MTARC1: variants seen among roughly 807,000 people sequenced by gnomAD.
MTARC1 encodes the protein mitochondrial amidoxime-reducing component 1.
Under a neutral mutation model 33.6 loss-of-function variants are expected in MTARC1, and 24 were observed. That is an observed-to-expected ratio of 0.72 (90% CI 0.52 to 1.01). The LOEUF is 1.01. MTARC1 is among the 50% of genes least tolerant of loss of function. The probability of loss-of-function intolerance (pLI) is 0.00; values close to 1 mark genes in which losing one functional copy is unlikely to be tolerated. For missense variants in MTARC1, 417 were observed against 445.7 expected, an observed-to-expected ratio of 0.94 and a Z score of 0.58; for synonymous variants, 187 against 189.5, an observed-to-expected ratio of 0.99 and a Z score of 0.11.
chr1:220,811,449 A>G (rs939437532), intron 6 of MTARC1, among the ~76,000 whole-genome samples: 24 of 152,218 alleles, frequency 1.6e-4, no homozygotes, highest in Non-Finnish European at 2.9e-4. Flanking sequence ...AGTGCTGCCT[A>G]CAGGATGTTT....
At chr1:220,789,469 A>C (rs1571660428) in intron 1 of MTARC1, among the ~76,000 whole-genome samples, 1 of 152,336 alleles carries the variant, frequency 6.6e-6, no homozygotes, top group South Asian at 2.1e-4. Context: ...AAAATCTCAT[A>C]ATGTTTTAAG....
At chr1:220,809,730 A>C (rs1343176589) in intron 6 of MTARC1, among the ~76,000 whole-genome samples, 2 of 152,196 alleles carry the variant, frequency 1.3e-5, no homozygotes, top group African/African-American at 2.4e-5. Context: ...GTCTGGTCTC[A>C]AAGTCCTGAC....
chr1:220,813,242 G>A lies in MTARC1; in HGVS notation c.888-50G>A, dbSNP rs1334764488. ...GGGATGGAAGCCACGTGCTGGTTGA[G>A]CTCTTGCATCCGCTTGGCTGTGACT... On this transcript the variant is annotated intron_variant, in intron 6 of 6. Coordinates refer to ENST00000366910, the MANE Select transcript of MTARC1 (RefSeq NM_022746.4). 3.1e-6 allele frequency: 5 copies of A among 1,612,838 alleles called. No homozygotes were observed. The African/African-American group carries it at 6.7e-5, about 22-fold the overall frequency.
intron 3 of MTARC1, 99 bp from the exon 4 acceptor site, chr1:220,797,775 G>A: frequency 9.3e-7 from 1 of 1,077,542 alleles, no homozygotes; most frequent in Non-Finnish European, 1.4e-6. Context: ...TGTGTGTGGG[G>A]TGGGGTGGAG....
At position 220,817,480 on chromosome 1, in the gene MTARC1, C is replaced by CTCCATTTTACAGAGTGCTGATTGG. The variant is rs1301970982; in HGVS notation, c.*4088_*4111dup. 3 of 152,332 alleles carry CTCCATTTTACAGAGTGCTGATTGG rather than the reference C, an allele frequency of 2.0e-5. No homozygotes were observed. In the East Asian group the frequency reaches 5.8e-4, roughly 30 times the overall value. The allele number at this position is 152,332 out of a possible 1,614,324, so 9.4% of individuals were successfully genotyped here. ...GTCCCTGCCCATGTCCTGCTGATTG[C>CTCCATTTTACAGAGTGCTGATTGG]TCCATTTTACAGAGTGCTGATTGGT... On this transcript the variant is annotated 3_prime_UTR_variant, in exon 7 of 7. Coordinates refer to ENST00000366910, the MANE Select transcript of MTARC1 (RefSeq NM_022746.4).
chr1:220,808,298 G>A (rs1673030759), intron 6 of MTARC1, among the ~76,000 whole-genome samples: 1 of 152,208 alleles, frequency 6.6e-6, no homozygotes, highest in Admixed American at 6.5e-5. Context: ...GGCGGGGGGC[G>A]CAAGGAGCCA....
At chr1:220,790,098 TTAC>T (rs1485531071) in intron 1 of MTARC1, among the ~76,000 whole-genome samples, 3 of 152,202 alleles carry the variant, frequency 2.0e-5, no homozygotes, top group Non-Finnish European at 4.4e-5. Flanking sequence ...ACTCGGGCTG[TTAC>T]TACTTTTTCA....
At position 220,815,438 on chromosome 1, in the gene MTARC1, C is replaced by T. The variant is rs1021287974; in HGVS notation, c.*2020C>T. 2 of 152,358 alleles carry T rather than the reference C, an allele frequency of 1.3e-5. No homozygotes were observed. The highest frequency in any genetic ancestry group is 4.8e-5 in the African/African-American group (2 of 41,562). 9.4% of individuals were successfully genotyped at this position (152,358 alleles called of 1,614,324 possible). Reference sequence around the variant, plus strand: ...CCATCATTCTCCATGGACAGGCTCTCGGGGTAGCTAGCTCTGCAGGGCAGC... The same window carrying T: ...CCATCATTCTCCATGGACAGGCTCTTGGGGTAGCTAGCTCTGCAGGGCAGC... On this transcript the variant is annotated 3_prime_UTR_variant, in exon 7 of 7. Transcript: ENST00000366910.
chr1:220,791,513 G>A lies in MTARC1; in HGVS notation c.298G>A (p.Glu100Lys). The change falls in exon 2 of 7, where the codon GAG (glutamate) becomes AAG (lysine). Residue 100 changes from glutamate (E) to lysine (K), a missense_variant. Transcript: ENST00000366910. ...CAGGTTTTGGCTTGTGATCAACCAG[G>A]AGGGAAACATGGTTACTGCTCGCCA... ...RDRFWLVINQ[E>K]GNMVTARQEP... 4 of 1,614,112 alleles carry A rather than the reference G, an allele frequency of 2.5e-6. No homozygotes were observed. Among genetic ancestry groups the A allele is most frequent in the South Asian group, 1.1e-5 (1 of 91,076 alleles).
In MTARC1 at chr1:220,818,361, A is replaced by AGGTT. The variant is rs1673322677; in HGVS notation, c.*4945_*4948dup. ...TTATTATTCTTCCTGGACAGGCTGT[A>AGGTT]GGTTGTGTAAAGTAACAAAAAGGAC... On this transcript the variant is annotated 3_prime_UTR_variant, in exon 7 of 7. Transcript: ENST00000366910. 6.6e-6 allele frequency: 1 copy of AGGTT among 152,200 alleles called. No homozygotes were observed. The highest frequency in any genetic ancestry group is 6.5e-5 in the Admixed American group (1 of 15,286). The allele number at this position is 152,200 out of a possible 1,614,324, so 9.4% of individuals were successfully genotyped here.
At chr1:220,807,623 T>C (rs1375870096) in intron 6 of MTARC1, among the ~76,000 whole-genome samples, 1 of 151,972 alleles carries the variant, frequency 6.6e-6, no homozygotes, top group African/African-American at 2.4e-5. Flanking sequence ...ATATATATAG[T>C]CAAGTGTTAA....
At position 220,813,386 on chromosome 1, in the gene MTARC1, G is replaced by A. The variant is rs573338159; in HGVS notation, c.982G>A (p.Val328Met). 2 of 1,614,172 alleles carry A rather than the reference G, an allele frequency of 1.2e-6. No individual in the cohort carries two copies. Among genetic ancestry groups the A allele is most frequent in the South Asian group, 1.1e-5 (1 of 91,082 alleles). ...FVLENPGTIK[V>M]GDPVYLLGQ ...GCTGGAAAACCCAGGGACCATCAAA[G>A]TGGGAGACCCTGTGTACCTGCTGGG... The change falls in exon 7 of 7, where the codon GTG becomes ATG. Residue 328 changes from valine to methionine, a missense_variant. By Grantham distance (21) the Val-to-Met change is conservative. Transcript: ENST00000366910.
chr1:220,787,760 C>T (rs1463066878), intron 1 of MTARC1, among the ~76,000 whole-genome samples: 1 of 152,070 alleles, frequency 6.6e-6, no homozygotes, highest in African/African-American at 2.4e-5. Context: ...GAGGCCGAGG[C>T]GGGTGCATTA....
Position 220,806,140 on chromosome 1 carries a change from A to G in MTARC1, c.887+866A>G, listed in dbSNP as rs72472342. ...TACTCTGCATTACTTTCGTGAAAAC[A>G]ACAATAACAGTTTAGCATACAAGCA... is the stretch of plus-strand genomic sequence containing the variant. On this transcript the variant is annotated intron_variant, in intron 6 of 6. Transcript: ENST00000366910. Among the ~76,000 whole-genome samples the G allele has an allele frequency of 4.4e-3, 668 of 152,364 alleles. 2 individuals are homozygous for G. The highest frequency in any genetic ancestry group is 7.0e-3 in the Non-Finnish European group (473 of 68,028).
In MTARC1 at chr1:220,818,875, G is replaced by A. The variant is rs901738710; in HGVS notation, c.*5457G>A. On this transcript the variant is annotated 3_prime_UTR_variant, in exon 7 of 7. Coordinates refer to ENST00000366910, the MANE Select transcript of MTARC1 (RefSeq NM_022746.4). ...CGCTTGTTAGTCCGAGGCCCAGGAC[G>A]GCCGAGGACAGCTGGAGAGCTCTTC... 2.6e-5 allele frequency: 4 copies of A among 152,204 alleles called. No individual in the cohort carries two copies. The highest frequency in any genetic ancestry group is 4.4e-5 in the Non-Finnish European group (3 of 68,028). The allele number at this position is 152,204 out of a possible 1,614,324, so 9.4% of individuals were successfully genotyped here. A position where few individuals can be genotyped will look rare whatever the true frequency, so the allele number is the denominator to read the frequency against.
In MTARC1 at chr1:220,798,339, A is replaced by G. The variant is rs527864257; in HGVS notation, c.753+325A>G. 9.1e-5 allele frequency: 112 copies of G among 1,224,140 alleles called. No homozygotes were observed. In the Middle Eastern group the frequency reaches 1.4e-3, roughly 16 times the overall value. 75.8% of individuals were successfully genotyped at this position (1,224,140 alleles called of 1,614,324 possible). A position where few individuals can be genotyped will look rare whatever the true frequency, so the allele number is the denominator to read the frequency against. ...GATCTGTGTGGGCCATGGAACAAAG[A>G]AAGTGTGTGCTCCTGTCTTGTTAAA... On this transcript the variant is annotated intron_variant, in intron 4 of 6. Coordinates refer to ENST00000366910, the MANE Select transcript of MTARC1 (RefSeq NM_022746.4).
At position 220,805,304 on chromosome 1, in the gene MTARC1, G is replaced by A. The variant is rs745518823; in HGVS notation, c.887+30G>A. The stretch of plus-strand genomic sequence containing the variant: ...GACTGGGCAGACGGGGCTCATCCTC[G>A]GGTTTAGGTGCCGGGAACGGAAGCA... On this transcript the variant is annotated intron_variant, in intron 6 of 6. Coordinates refer to ENST00000366910, the MANE Select transcript of MTARC1 (RefSeq NM_022746.4). 18 of 1,611,310 alleles carry A rather than the reference G, an allele frequency of 1.1e-5. No homozygotes were observed. In the Admixed American group the frequency reaches 1.8e-4, roughly 16 times the overall value.
In MTARC1 at chr1:220,817,244, G is replaced by T; in HGVS notation, c.*3826G>T. 1 of 159,664 alleles carries T rather than the reference G, an allele frequency of 6.3e-6. No homozygotes were observed. Among genetic ancestry groups the T allele is most frequent in the Non-Finnish European group, 1.3e-5 (1 of 74,140 alleles). 9.9% of individuals were successfully genotyped at this position (159,664 alleles called of 1,614,324 possible). ...CTCCCGAGTAGCTGGTGTGTCTGGA[G>T]TTGGTTCCTTCTGGTGGGTTCTTGG... is the stretch of plus-strand genomic sequence containing the variant. On this transcript the variant is annotated 3_prime_UTR_variant, in exon 7 of 7. Coordinates refer to ENST00000366910, the MANE Select transcript of MTARC1 (RefSeq NM_022746.4).
rs1477588289 is a variant in MTARC1 at position 220,813,989 on chromosome 1, T to C, written c.*571T>C. ...ACTGCAGATATTAATTTTCCATAGA[T>C]CTGGATCTGGCCCTGCTGCTTCTCA... On this transcript the variant is annotated 3_prime_UTR_variant, in exon 7 of 7. Coordinates refer to ENST00000366910, the MANE Select transcript of MTARC1 (RefSeq NM_022746.4). 6.4e-6 allele frequency: 1 copy of C among 155,628 alleles called. No homozygotes were observed. Among genetic ancestry groups the C allele is most frequent in the African/African-American group, 2.4e-5 (1 of 41,460 alleles). 9.6% of individuals were successfully genotyped at this position (155,628 alleles called of 1,614,324 possible).
Sources: gnomAD v4.1 joint callset for allele counts (sites outside exome capture counted in the v4.1 genomes callset) on GRCh38, gnomAD v4.1.1 for gene constraint, MANE v1.5 for transcripts, NCBI Gene and HGNC (gene_info 2026-07-23, HGNC 2026-07-21) for gene names.